GUCY2C: variants seen among roughly 807,000 people sequenced by gnomAD.
GUCY2C encodes guanylyl cyclase C.
In GUCY2C, 118 loss-of-function variants were observed where a neutral mutation model predicts 131.1. That is an observed-to-expected ratio of 0.90 (90% CI 0.78 to 1.05). The LOEUF is 1.05. Ranked by LOEUF, GUCY2C falls within the 50% of genes least tolerant of loss-of-function variation. The pLI is 0.00. For synonymous variants in GUCY2C, 452 were observed against 457.8 expected, an observed-to-expected ratio of 0.99 and a Z score of 0.16; for missense variants, 1,161 against 1,304.4, an observed-to-expected ratio of 0.89 and a Z score of 1.69.
In GUCY2C at chr12:14,614,933, T is replaced by G. The variant is rs376786609; in HGVS notation, c.2981A>C (p.Asn994Thr). 1.3e-6 allele frequency: 2 copies of G among 1,578,572 alleles called. No individual in the cohort carries two copies. Among genetic ancestry groups the G allele is most frequent in the Admixed American group, 1.9e-5 (1 of 53,114 alleles). The stretch of plus-strand genomic sequence containing the variant: ...CCCAGTCAGCCAGTAGGTAGTCTCA[T>G]TTCCTCTTCCCTGGTAAGACAAAAG... Reference protein sequence around the residue: ...RGETYLKGRGNETTYWLTGMK... With the variant: ...RGETYLKGRGTETTYWLTGMK... Residue 994 changes from asparagine to threonine, a missense_variant, in exon 26 of 27, where the codon AAT becomes ACT. By Grantham distance (65) the Asn-to-Thr change is moderately conservative. Coordinates refer to ENST00000261170, the MANE Select transcript of GUCY2C (RefSeq NM_004963.4).
chr12:14,672,880 G>T lies in GUCY2C; in HGVS notation c.1163C>A (p.Thr388Asn), dbSNP rs750770871. The change falls in exon 9 of 27, where the codon ACC (threonine) becomes AAC (asparagine). Residue 388 changes from threonine (T) to asparagine (N), a missense_variant. Thr to Asn is a moderately conservative substitution (Grantham distance 65, BLOSUM62 0). Coordinates refer to ENST00000261170, the MANE Select transcript of GUCY2C (RefSeq NM_004963.4). ...ATAAGCAGTGAGACATACTTTCTTG[G>T]TGTCCACAGAGGTATACAGAAGCAC... ...TMVLLYTSVD[T>N]KKYKVLLTYD... 2 of 1,585,742 alleles carry T rather than the reference G, an allele frequency of 1.3e-6. No individual in the cohort carries two copies. The highest frequency in any genetic ancestry group is 1.1e-5 in the South Asian group (1 of 90,294).
intron 15 of GUCY2C, among the ~76,000 whole-genome samples, chr12:14,650,755 A>G (rs980166670): frequency 6.6e-6 from 1 of 152,132 alleles, no homozygotes; most frequent in African/African-American, 2.4e-5. Flanking sequence ...TCCTTGTACC[A>G]CTGTTGAATT....
At chr12:14,630,246 T>C (rs1947112771) in intron 19 of GUCY2C, among the ~76,000 whole-genome samples, 1 of 151,892 alleles carries the variant, frequency 6.6e-6, no homozygotes, top group East Asian at 1.9e-4. Flanking sequence ...GGGAAGGAAC[T>C]AGAGCCGCGG....
chr12:14,676,977 A>C lies in GUCY2C; in HGVS notation c.831-6T>G, dbSNP rs866531755. The C allele has an allele frequency of 2.7e-6, 3 of 1,100,484 alleles. No individual in the cohort carries two copies. Among genetic ancestry groups the C allele is most frequent in the Middle Eastern group, 4.2e-4 (2 of 4,810 alleles). The allele number at this position is 1,100,484 out of a possible 1,614,324, so 68.2% of individuals were successfully genotyped here. On this transcript the variant is annotated splice_region_variant and splice_polypyrimidine_tract_variant and intron_variant, in intron 6 of 26. Transcript: ENST00000261170. ...TGTCCTCAAAGTACTGGTCACTGTA[A>C]TAAAAAGCACAGGTTCCTCATGAAA...
rs143125979 is a variant in GUCY2C, at chr12:14,692,936, T to C, written c.217+3296A>G. Among the ~76,000 whole-genome samples the C allele has an allele frequency of 2.6e-5, 4 of 152,288 alleles. No homozygotes were observed. In the East Asian group the frequency reaches 7.7e-4, roughly 29 times the overall value. ...CATAGTATAATATGCTGCCTCTCAATATTTTACTTTTATGTGTACTGCTTT... is the reference window on the plus strand; with the variant it reads ...CATAGTATAATATGCTGCCTCTCAACATTTTACTTTTATGTGTACTGCTTT... On this transcript the variant is annotated intron_variant, in intron 1 of 26. Coordinates refer to ENST00000261170, the MANE Select transcript of GUCY2C (RefSeq NM_004963.4).
At chr12:14,683,473 C>G (rs1443429460) in intron 3 of GUCY2C, among the ~76,000 whole-genome samples, 1 of 152,142 alleles carries the variant, frequency 6.6e-6, no homozygotes, top group Non-Finnish European at 1.5e-5. Flanking sequence ...ACACTCTAAG[C>G]AATTTTGTGA....
intron 1 of GUCY2C, among the ~76,000 whole-genome samples, chr12:14,693,714 TCATCTC>T (rs535387707): frequency 1.5e-3 from 224 of 152,328 alleles, no homozygotes; most frequent in African/African-American, 5.3e-3. Flanking sequence ...GCTTATTCCT[TCATCTC>T]CATAGAGCTC....
chr12:14,620,161 C>A (rs1946862914), intron 23 of GUCY2C, among the ~76,000 whole-genome samples: 1 of 152,148 alleles, frequency 6.6e-6, no homozygotes, highest in South Asian at 2.1e-4. Context: ...TGGCCTGAGG[C>A]TGCCTCTTAG....
At chr12:14,677,769 G>A (rs1296077445) in intron 6 of GUCY2C, among the ~76,000 whole-genome samples, 5 of 143,426 alleles carry the variant, frequency 3.5e-5, no homozygotes, top group Non-Finnish European at 6.0e-5. Context: ...TAGTAGAGAC[G>A]GGTTTTCAGC....
chr12:14,627,973 A>G (rs1444954008), intron 20 of GUCY2C, among the ~76,000 whole-genome samples: 1 of 152,186 alleles, frequency 6.6e-6, no homozygotes, highest in African/African-American at 2.4e-5. Flanking sequence ...CATAAGAATC[A>G]TCTTGTTCAA....
At chr12:14,668,648 TA>T (rs754272846) in intron 10 of GUCY2C, among the ~76,000 whole-genome samples, 22 of 120,040 alleles carry the variant, frequency 1.8e-4, no homozygotes, top group East Asian at 7.4e-4. Flanking sequence ...TTTTTTTTTT[TA>T]AATCTTTGGG....
chr12:14,622,380 A>G (rs1353969109), intron 21 of GUCY2C, among the ~76,000 whole-genome samples, 183 bp from the exon 22 acceptor site: 2 of 152,228 alleles, frequency 1.3e-5, no homozygotes, highest in Non-Finnish European at 2.9e-5. Context: ...ACACAAATAC[A>G]CATATAATGC....
rs761837564 is a variant in GUCY2C at position 14,643,644 on chromosome 12, G to T, written c.1860C>A (p.Cys620Ter). The change falls in exon 17 of 27, where the codon TGC (cysteine) becomes TGA (stop). Residue 620 changes from cysteine to a stop codon, truncating the protein, a stop_gained. Coordinates refer to ENST00000261170, the MANE Select transcript of GUCY2C (RefSeq NM_004963.4). LOFTEE classifies it high-confidence loss of function. ...EVHGRLKSTN[C>*]VVDSRMVVKI... The stretch of plus-strand genomic sequence containing the variant: ...TCACCACCATTCTACTGTCCACTAC[G>T]CAGTTGGTAGATTTCAGACGACCAT... 1.9e-6 allele frequency: 3 copies of T among 1,612,290 alleles called. No individual in the cohort carries two copies. In the African/African-American group the frequency reaches 4.0e-5, roughly 22 times the overall value.
At chr12:14,626,494 G>A (rs1441723505) in intron 20 of GUCY2C, among the ~76,000 whole-genome samples, 1 of 152,188 alleles carries the variant, frequency 6.6e-6, no homozygotes, top group Non-Finnish European at 1.5e-5. Flanking sequence ...CTTTAAGAAT[G>A]CATATACCAA....
rs1006518862 is a variant in GUCY2C, at chr12:14,616,491, C to A, written c.2970+142G>T. ...AGTTCACATTTTTTGGTGGTCATTTCTCTTGCAGAGGATGGAGGGTGCTCA... is the reference window on the plus strand; with the variant it reads ...AGTTCACATTTTTTGGTGGTCATTTATCTTGCAGAGGATGGAGGGTGCTCA... On this transcript the variant is annotated intron_variant, in intron 25 of 26. Coordinates refer to ENST00000261170, the MANE Select transcript of GUCY2C (RefSeq NM_004963.4). 4 of 651,880 alleles carry A rather than the reference C, an allele frequency of 6.1e-6. No individual in the cohort carries two copies. In the African/African-American group the frequency reaches 7.2e-5, roughly 12 times the overall value. 40.4% of individuals were successfully genotyped at this position (651,880 alleles called of 1,614,324 possible).
intron 10 of GUCY2C, among the ~76,000 whole-genome samples, chr12:14,668,632 CT>C (rs11309188): frequency 0.98 from 142,378 of 145,882 alleles, 69,478 homozygotes; most frequent in Middle Eastern, 1. Flanking sequence ...GGTATTTCTA[CT>C]TTTTTTTTTT....
intron 15 of GUCY2C, among the ~76,000 whole-genome samples, chr12:14,649,399 T>C (rs1159920961): frequency 6.6e-6 from 1 of 152,196 alleles, no homozygotes; most frequent in Non-Finnish European, 1.5e-5. Flanking sequence ...TCATTATCTA[T>C]ATAAAAACTA....
intron 16 of GUCY2C, among the ~76,000 whole-genome samples, chr12:14,644,106 G>C (rs1947462944): frequency 6.6e-6 from 1 of 152,132 alleles, no homozygotes; most frequent in African/African-American, 2.4e-5. Flanking sequence ...TTTTCCAAAG[G>C]GGCAGGGTGC....
At position 14,674,771 on chromosome 12, in the gene GUCY2C, A is replaced by G; in HGVS notation, c.949-11T>C. On this transcript the variant is annotated splice_polypyrimidine_tract_variant and intron_variant, in intron 7 of 26. Transcript: ENST00000261170. ...AAAGTCTCGTTTTGTCTAAATAAAA[A>G]AGGAAAATATTAAAACGGGTCCTTC... is the stretch of plus-strand genomic sequence containing the variant. The G allele has an allele frequency of 1.9e-6, 3 of 1,592,536 alleles. No homozygotes were observed. The highest frequency in any genetic ancestry group is 1.1e-5 in the South Asian group (1 of 88,702).
Sources: gnomAD v4.1 joint callset for allele counts (sites outside exome capture counted in the v4.1 genomes callset) on GRCh38, gnomAD v4.1.1 for gene constraint, MANE v1.5 for transcripts, NCBI Gene and HGNC (gene_info 2026-07-23, HGNC 2026-07-21) for gene names.